The following CNDP1 variants were observed in gnomAD, a reference collection of about 807,000 sequenced individuals.
CNDP1 encodes the protein carnosine dipeptidase 1, also known as beta-Ala-His dipeptidase.
CNDP1 carries 44 observed loss-of-function variants against 58.1 expected under a neutral mutation model. The observed-to-expected ratio is 0.76, with a 90% CI of 0.60 to 0.97. The LOEUF is 0.97. Among genes scored for constraint, CNDP1 ranks in the 50% least tolerant of loss-of-function variants. The probability of loss-of-function intolerance (pLI) is 0.00; values close to 1 mark genes in which losing one functional copy is unlikely to be tolerated. For missense variants in CNDP1, 616 were observed against 655.1 expected (o/e 0.94, Z 0.65); for synonymous variants, 254 against 252.6 (o/e 1.01, Z -0.05).
chr18:74,547,883 A>G (rs1217565804), intron 1 of CNDP1, among the ~76,000 whole-genome samples: 1 of 152,234 alleles, frequency 6.6e-6, no homozygotes, highest in Non-Finnish European at 1.5e-5. Flanking sequence ...GCACAGGGGC[A>G]CTTGGAACTT....
chr18:74,556,526 T>C (rs1981046651), intron 2 of CNDP1, 60 bp downstream of exon 2: 6 of 1,594,474 alleles, frequency 3.8e-6, no homozygotes, highest in East Asian at 2.2e-5. Flanking sequence ...CTTTGGTATT[T>C]GGGTGAGACA....
intron 7 of CNDP1, among the ~76,000 whole-genome samples, chr18:74,575,030 GGGAT>G (rs368896968): frequency 6.2e-4 from 92 of 148,586 alleles, no homozygotes; most frequent in African/African-American, 2.1e-3. Context: ...AAGGAAGGGA[GGGAT>G]GGAGGGAAGG....
At chr18:74,542,594 GT>G (rs1169110498) in intron 1 of CNDP1, among the ~76,000 whole-genome samples, 1 of 152,068 alleles carries the variant, frequency 6.6e-6, no homozygotes, top group Non-Finnish European at 1.5e-5. Context: ...GATTTTGTTT[GT>G]TTTTTTGTTT....
chr18:74,541,363 CAG>C (rs904674757), intron 1 of CNDP1, among the ~76,000 whole-genome samples: 3 of 152,220 alleles, frequency 2.0e-5, no homozygotes, highest in Non-Finnish European at 4.4e-5. Context: ...TGCGGCTCAC[CAG>C]AGAGAGATGC....
At chr18:74,562,665 T>C (rs1255774834) in intron 5 of CNDP1, among the ~76,000 whole-genome samples, 1 of 152,198 alleles carries the variant, frequency 6.6e-6, no homozygotes, top group African/African-American at 2.4e-5. Flanking sequence ...AGTGGCTCTC[T>C]TTAGAAGTCC....
At chr18:74,572,967 G>A (rs1981524370) in intron 7 of CNDP1, among the ~76,000 whole-genome samples, 1 of 152,160 alleles carries the variant, frequency 6.6e-6, no homozygotes, top group Non-Finnish European at 1.5e-5. Flanking sequence ...CAGGTGTTGG[G>A]AGGATCTTCT....
rs778293528 is a variant in CNDP1, at chr18:74,578,216, C to T, written c.1056C>T (p.Ile352=). 3.7e-5 allele frequency: 60 copies of T among 1,613,822 alleles called. No homozygotes were observed. The highest frequency in any genetic ancestry group is 6.7e-5 in the East Asian group (3 of 44,886). The stretch of plus-strand genomic sequence containing the variant: ...ACCCATCTCTTTCTATTCATGGGAT[C>T]GAGGGCGCGTTTGATGAGCCTGGAA... ...WRYPSLSIHG[I]EGAFDEPGTK... is the part of the protein sequence containing the mutation. Residue 352 remains isoleucine (I), a synonymous_variant, in exon 9 of 12, where the codon ATC becomes ATT. Coordinates refer to ENST00000358821, the MANE Select transcript of CNDP1 (RefSeq NM_032649.6).
chr18:74,535,832 G>A (rs1480209058), intron 1 of CNDP1, among the ~76,000 whole-genome samples: 1 of 152,098 alleles, frequency 6.6e-6, no homozygotes, highest in Non-Finnish European at 1.5e-5. Flanking sequence ...AGGAGTTCAA[G>A]ACTGGCCTGG....
chr18:74,579,382 C>G (rs1159046417), intron 9 of CNDP1, among the ~76,000 whole-genome samples: 1 of 127,766 alleles, frequency 7.8e-6, no homozygotes, highest in African/African-American at 2.9e-5. Context: ...TTATCTTTCT[C>G]TCCTTCCTCC....
intron 10 of CNDP1, among the ~76,000 whole-genome samples, chr18:74,582,001 G>C (rs559134880): frequency 6.6e-6 from 1 of 152,356 alleles, no homozygotes; most frequent in East Asian, 1.9e-4. Flanking sequence ...CACAGACACG[G>C]AAAACTACAG....
At position 74,584,618 on chromosome 18, in the gene CNDP1, C is replaced by A; in HGVS notation, c.*56C>A. ...ACTGACAGATTCACCTCCCCCACAT[C>A]CCTAGACAGGGATGGAATGTAAATA... On this transcript the variant is annotated 3_prime_UTR_variant, in exon 12 of 12. Transcript: ENST00000358821. 1 of 1,311,596 alleles carries A rather than the reference C, an allele frequency of 7.6e-7. No individual in the cohort carries two copies. The highest frequency in any genetic ancestry group is 1.1e-6 in the Non-Finnish European group (1 of 904,266). The allele number at this position is 1,311,596 out of a possible 1,614,324, so 81.2% of individuals were successfully genotyped here.
chr18:74,553,588 T>C (rs1475088238), intron 1 of CNDP1, among the ~76,000 whole-genome samples: 2 of 152,216 alleles, frequency 1.3e-5, no homozygotes, highest in South Asian at 2.1e-4. Flanking sequence ...GATTTATTTC[T>C]GGATTTTCGG....
chr18:74,559,196 T>C (rs1981119882), intron 2 of CNDP1, 127 bp from the exon 3 acceptor site: 2 of 844,950 alleles, frequency 2.4e-6, no homozygotes, highest in African/African-American at 1.7e-5. Flanking sequence ...GGCACTGTCA[T>C]AGGTCCTCAG....
chr18:74,556,246 A>T, intron 1 of CNDP1, 92 bp from the exon 2 acceptor site: 1 of 1,390,426 alleles, frequency 7.2e-7, no homozygotes. Flanking sequence ...CAGCTGTGTG[A>T]GGTAACAGAC....
intron 1 of CNDP1, among the ~76,000 whole-genome samples, chr18:74,535,458 C>T (rs953871907): frequency 6.6e-6 from 1 of 152,136 alleles, no homozygotes; most frequent in Non-Finnish European, 1.5e-5. Context: ...TGACCACAGC[C>T]GGATTCTAGA....
intron 7 of CNDP1, among the ~76,000 whole-genome samples, chr18:74,572,987 C>T (rs941293830): frequency 6.6e-6 from 1 of 152,128 alleles, no homozygotes; most frequent in African/African-American, 2.4e-5. Flanking sequence ...TCAAGGTCTT[C>T]AGCATCATTT....
Position 74,560,056 on chromosome 18 carries a change from C to T in CNDP1, c.303+584C>T, listed in dbSNP as rs941811922. On this transcript the variant is annotated intron_variant, in intron 3 of 11. Coordinates refer to ENST00000358821, the MANE Select transcript of CNDP1 (RefSeq NM_032649.6). ...ACAGAGTCTTGCTCTGTAGCCCAGG[C>T]TGGAGTGCAGTGGTGCAATCTCAGC... 3.4e-5 allele frequency among the ~76,000 whole-genome samples: 5 copies of T among 149,144 alleles called. No homozygotes were observed. In the East Asian group the frequency reaches 9.8e-4, roughly 29 times the overall value.
At chr18:74,550,560 A>G (rs1036434236) in intron 1 of CNDP1, among the ~76,000 whole-genome samples, 6 of 150,586 alleles carry the variant, frequency 4.0e-5, no homozygotes, top group African/African-American at 1.5e-4. Context: ...CTGGGGGACT[A>G]TTGGAAAGGC....
chr18:74,551,781 C>G (rs1165667989), intron 1 of CNDP1, among the ~76,000 whole-genome samples: 1 of 152,154 alleles, frequency 6.6e-6, no homozygotes, highest in Non-Finnish European at 1.5e-5. Context: ...CAGCTTATTT[C>G]CTTCTTCCAA....
Sources: allele counts gnomAD v4.1 joint callset (sites outside exome capture counted in the v4.1 genomes callset), GRCh38; gene constraint gnomAD v4.1.1; transcripts MANE v1.5; gene names NCBI Gene and HGNC (gene_info 2026-07-23, HGNC 2026-07-21).